Variants in CASTOR2 observed in about 807,000 individuals in gnomAD.
CASTOR2 encodes the protein cytosolic arginine sensor for mTORC1 subunit 2.
A neutral mutation model predicts 31.2 loss-of-function variants in CASTOR2; 8 were observed. The ratio of observed to expected loss-of-function variants is 0.26; its 90% CI spans 0.15 to 0.46. CASTOR2 has a LOEUF of 0.46. Ranked by LOEUF, CASTOR2 falls within the 20% of genes least tolerant of loss-of-function variation. The probability of loss-of-function intolerance (pLI) is 0.99; values close to 1 mark genes in which losing one functional copy is unlikely to be tolerated. For missense variants in CASTOR2, 216 were observed against 382.1 expected (o/e 0.57, Z 3.62); for synonymous variants, 162 against 158.7 (o/e 1.02, Z -0.16).
chr7:75,008,131 C>G, intron 2 of CASTOR2, 67 bp downstream of exon 2: 4 of 1,495,064 alleles, frequency 2.7e-6, no homozygotes, highest in Non-Finnish European at 3.6e-6. Context: ...CTGCCCACCT[C>G]CTTATTTCTG....
At chr7:75,014,947 C>T (rs1454171433) in intron 2 of CASTOR2, among the ~76,000 whole-genome samples, 1 of 152,228 alleles carries the variant, frequency 6.6e-6, no homozygotes, top group South Asian at 2.1e-4. Context: ...CCTCGGAGCC[C>T]GAAGCCTGCG....
intron 5 of CASTOR2, among the ~76,000 whole-genome samples, chr7:75,019,421 T>G (rs1804941821): frequency 6.7e-6 from 1 of 149,810 alleles, no homozygotes; most frequent in Non-Finnish European, 1.5e-5. Context: ...TAGTCTGAGG[T>G]AGGAGACACA....
At chr7:75,001,398 C>T (rs1360978334) in intron 1 of CASTOR2, among the ~76,000 whole-genome samples, 2 of 152,126 alleles carry the variant, frequency 1.3e-5, no homozygotes, top group African/African-American at 2.4e-5. Context: ...AGTTTTTTAA[C>T]AGCACTTAGC....
At chr7:75,000,410 A>C (rs1269578020) in intron 1 of CASTOR2, among the ~76,000 whole-genome samples, 1 of 152,110 alleles carries the variant, frequency 6.6e-6, no homozygotes, top group Admixed American at 6.6e-5. Flanking sequence ...CCCTCATTCC[A>C]GACAGAACGG....
At chr7:75,017,561 C>T in intron 2 of CASTOR2, 37 bp from the exon 3 acceptor site, 1 of 1,606,858 alleles carries the variant, frequency 6.2e-7, no homozygotes, top group Non-Finnish European at 8.5e-7. Context: ...TCTGGAACCT[C>T]AGCAGTCACA....
chr7:74,999,288 G>A (rs1314983396), intron 1 of CASTOR2, among the ~76,000 whole-genome samples: 1 of 152,124 alleles, frequency 6.6e-6, no homozygotes, highest in Non-Finnish European at 1.5e-5. Context: ...GGGATTACAA[G>A]CATGAGCCAC....
chr7:75,000,028 A>G (rs1191062286), intron 1 of CASTOR2, among the ~76,000 whole-genome samples: 2 of 152,006 alleles, frequency 1.3e-5, no homozygotes, highest in East Asian at 3.9e-4. Flanking sequence ...GGAATTCGAG[A>G]CCAGCCTGGG....
At chr7:75,003,456 G>T (rs1456788085) in intron 1 of CASTOR2, among the ~76,000 whole-genome samples, 3 of 106,306 alleles carry the variant, frequency 2.8e-5, no homozygotes, top group African/African-American at 1.1e-4. Flanking sequence ...TCTCAAAAAA[G>T]AAAAAAAAAA....
intron 1 of CASTOR2, among the ~76,000 whole-genome samples, chr7:75,006,708 C>A (rs1314539892): frequency 8.5e-5 from 13 of 152,114 alleles, no homozygotes; most frequent in Non-Finnish European, 1.6e-4. Flanking sequence ...TCATACTGTT[C>A]TCCTGGCAGT....
chr7:75,016,123 C>T (rs1208457654), intron 2 of CASTOR2, among the ~76,000 whole-genome samples: 2 of 152,104 alleles, frequency 1.3e-5, no homozygotes, highest in South Asian at 2.1e-4. Context: ...CTCCCTGTGC[C>T]GTGCCCCCTC....
intron 1 of CASTOR2, among the ~76,000 whole-genome samples, chr7:75,006,740 A>G (rs2131943733): frequency 6.6e-6 from 1 of 152,028 alleles, no homozygotes; most frequent in South Asian, 2.1e-4. Context: ...ACGAGATCTG[A>G]TGGTTTTATA....
At chr7:74,991,374 AG>A in intron 1 of CASTOR2, among the ~76,000 whole-genome samples, 1 of 152,266 alleles carries the variant, frequency 6.6e-6, no homozygotes, top group South Asian at 2.1e-4. Context: ...CATAGTGAGC[AG>A]GGGATGCCCT....
At chr7:75,018,948 C>T in intron 4 of CASTOR2, 24 bp from the exon 5 acceptor site, 1 of 1,551,858 alleles carries the variant, frequency 6.4e-7, no homozygotes, top group Non-Finnish European at 8.7e-7. Flanking sequence ...AGCCTCAGTG[C>T]CTGACATCTT....
intron 1 of CASTOR2, among the ~76,000 whole-genome samples, chr7:74,989,224 A>C (rs1804147061): frequency 6.6e-6 from 1 of 150,928 alleles, no homozygotes; most frequent in Non-Finnish European, 1.5e-5. Context: ...TCGGCCTCCG[A>C]AAGTGCTGGG....
At chr7:75,022,895 GATA>G (rs1420733769) in intron 7 of CASTOR2, among the ~76,000 whole-genome samples, 26 of 152,162 alleles carry the variant, frequency 1.7e-4, no homozygotes, top group Admixed American at 4.6e-4. Flanking sequence ...ACAGCTCAAA[GATA>G]ATAACTGCTG....
intron 1 of CASTOR2, among the ~76,000 whole-genome samples, chr7:75,001,048 T>C (rs1475271632): frequency 1.3e-5 from 2 of 152,084 alleles, no homozygotes; most frequent in Non-Finnish European, 2.9e-5. Flanking sequence ...ACACAGGGCA[T>C]GGTGACCCTG....
intron 4 of CASTOR2, 123 bp from the exon 5 acceptor site, chr7:75,018,849 G>A (rs1804927241): frequency 2.3e-5 from 33 of 1,463,570 alleles, no homozygotes; most frequent in Non-Finnish European, 3.0e-5. Flanking sequence ...GAGAAGCAGC[G>A]GTGAATGAGT....
At chr7:75,007,972 C>T (rs1307271373) in intron 1 of CASTOR2, 22 bp from the exon 2 acceptor site, 1 of 1,613,816 alleles carries the variant, frequency 6.2e-7, no homozygotes, top group Non-Finnish European at 8.5e-7. Context: ...ATGAGATATT[C>T]TGTGTCTGTC....
intron 2 of CASTOR2, among the ~76,000 whole-genome samples, chr7:75,016,990 A>G (rs2131953374): frequency 6.6e-6 from 1 of 152,246 alleles, no homozygotes; most frequent in Admixed American, 6.5e-5. Flanking sequence ...AACATGGGAA[A>G]ATGCCATCTC....
Sources: gnomAD v4.1 joint callset for allele counts (sites outside exome capture counted in the v4.1 genomes callset) on GRCh38, gnomAD v4.1.1 for gene constraint, MANE v1.5 for transcripts, NCBI Gene and HGNC (gene_info 2026-07-23, HGNC 2026-07-21) for gene names.